Variants in CEP57L1 observed in about 807,000 individuals in gnomAD.
CEP57L1 encodes centrosomal protein CEP57L1.
In CEP57L1, 37 loss-of-function variants were observed where a neutral mutation model predicts 61.0. The observed-to-expected ratio is 0.61, with a 90% CI of 0.47 to 0.80. CEP57L1 has a LOEUF of 0.80. Ranked by LOEUF, CEP57L1 falls within the 30% of genes least tolerant of loss-of-function variation. The pLI is 0.00. For synonymous variants in CEP57L1, 137 were observed against 162.3 expected (o/e 0.84, Z 1.19); for missense variants, 422 against 524.7 (o/e 0.80, Z 1.91).
chr6:109,108,194 C>T (rs1771155846), intron 1 of CEP57L1, among the ~76,000 whole-genome samples: 1 of 151,594 alleles, frequency 6.6e-6, no homozygotes, highest in Non-Finnish European at 1.5e-5. Flanking sequence ...GAGTCTCTGA[C>T]ACCAAAGCTT....
rs79564261 is a variant in CEP57L1, at chr6:109,174,130, C to A, written c.*11160C>A. Among the ~76,000 whole-genome samples the A allele has an allele frequency of 0.12, 18,350 of 150,836 alleles. 1,258 individuals carry two copies. The highest frequency in any genetic ancestry group is 0.21 in the Middle Eastern group (60 of 290). On this transcript the variant is annotated 3_prime_UTR_variant, in exon 11 of 11. Coordinates refer to ENST00000517392, the MANE Select transcript of CEP57L1 (RefSeq NM_001271852.3). ...AAAAAAAAAACCTTGTGTTGGAAAC[C>A]ATCTCCAATGAAGCAGTGTTAGGAG...
chr6:109,122,416 G>A (rs1562520170), intron 1 of CEP57L1, among the ~76,000 whole-genome samples: 1 of 152,030 alleles, frequency 6.6e-6, no homozygotes, highest in African/African-American at 2.4e-5. Context: ...TTACATGGGA[G>A]GCTCTTATTT....
chr6:109,120,844 T>C (rs1400935760), intron 1 of CEP57L1, among the ~76,000 whole-genome samples: 1 of 151,954 alleles, frequency 6.6e-6, no homozygotes, highest in Non-Finnish European at 1.5e-5. Context: ...TTTTCAATTA[T>C]AGATAGGGAT....
chr6:109,143,023 G>C (rs1771588868), intron 1 of CEP57L1, among the ~76,000 whole-genome samples: 1 of 127,668 alleles, frequency 7.8e-6, no homozygotes, highest in South Asian at 2.7e-4. Context: ...ACTACTAACT[G>C]ATGCACCAGA....
In CEP57L1 at chr6:109,166,645, A is replaced by C. The variant is rs1774121925; in HGVS notation, c.*3675A>C. 6.6e-6 allele frequency among the ~76,000 whole-genome samples: 1 copy of C among 152,156 alleles called. No individual in the cohort carries two copies. The highest frequency in any genetic ancestry group is 6.5e-5 in the Admixed American group (1 of 15,282). Reference sequence around the variant, plus strand: ...TGATCCGCCCACCTCAGCCTCCCAAAGTGCTGGGATTACAGGCATGAGCCA... The same window carrying C: ...TGATCCGCCCACCTCAGCCTCCCAACGTGCTGGGATTACAGGCATGAGCCA... On this transcript the variant is annotated 3_prime_UTR_variant, in exon 11 of 11. Transcript: ENST00000517392.
At chr6:109,102,973 TA>T (rs1165359543) in intron 1 of CEP57L1, among the ~76,000 whole-genome samples, 2 of 152,228 alleles carry the variant, frequency 1.3e-5, no homozygotes, top group East Asian at 3.8e-4. Flanking sequence ...TGAAAATTGT[TA>T]GGAAGACTTT....
rs1773483328 is a variant in CEP57L1, at chr6:109,159,062, T to A, written c.782T>A (p.Ile261Asn). The part of the protein sequence containing the change: ...KCIKRRPPWQ[I>N]CSKFGALPFV... ...ATAAAGAGACGACCACCTTGGCAAA[T>A]TTGTTCAAAGTTTGGAGCACTGCCT... is the stretch of plus-strand genomic sequence containing the variant. Residue 261 changes from isoleucine to asparagine, a missense_variant, in exon 8 of 11, where the codon ATT becomes AAT. Transcript: ENST00000517392. 3.1e-6 allele frequency: 5 copies of A among 1,613,856 alleles called. No homozygotes were observed. Among genetic ancestry groups the A allele is most frequent in the Non-Finnish European group, 4.2e-6 (5 of 1,179,922 alleles).
intron 1 of CEP57L1, among the ~76,000 whole-genome samples, chr6:109,127,447 T>C (rs1773685079): frequency 2.6e-5 from 4 of 152,152 alleles, no homozygotes; most frequent in Admixed American, 2.6e-4. Context: ...CAGGGAGGCA[T>C]AGTGTATTAG....
intron 1 of CEP57L1, among the ~76,000 whole-genome samples, chr6:109,143,072 C>T (rs1771594359): frequency 6.6e-6 from 1 of 150,422 alleles, no homozygotes; most frequent in African/African-American, 2.4e-5. Flanking sequence ...ACTCCCCCTC[C>T]ATTGTCATGT....
Position 109,125,524 on chromosome 6 carries a change from A to ATATACACATATATATATATAT in CEP57L1, c.-3-19694_-3-19693insATACACATATATATATATATT, listed in dbSNP as rs1562524338. ...TATATATATACATATATATATATATATTTTTTTTTTAACCAGTTTCTGAAC... is the reference window on the plus strand; with the variant it reads ...TATATATATACATATATATATATATATATACACATATATATATATATTTTTTTTTTTAACCAGTTTCTGAAC... On this transcript the variant is annotated intron_variant, in intron 1 of 10. Coordinates refer to ENST00000517392, the MANE Select transcript of CEP57L1 (RefSeq NM_001271852.3). Among the ~76,000 whole-genome samples, 470 of 142,792 alleles carry ATATACACATATATATATATAT rather than the reference A, an allele frequency of 3.3e-3. 10 individuals are homozygous for ATATACACATATATATATATAT. Among genetic ancestry groups the ATATACACATATATATATATAT allele is most frequent in the African/African-American group, 0.012 (455 of 38,016 alleles). 93.7% of individuals were successfully genotyped at this position (142,792 alleles called of 152,430 possible).
chr6:109,150,066 C>G (rs1007740179), intron 3 of CEP57L1, 52 bp from the exon 4 acceptor site: 6 of 1,136,926 alleles, frequency 5.3e-6, no homozygotes, highest in African/African-American at 3.1e-5. Context: ...CATCTGCAAA[C>G]AGGGACAATT....
chr6:109,108,689 G>T (rs1463892346), intron 1 of CEP57L1, among the ~76,000 whole-genome samples: 2 of 152,076 alleles, frequency 1.3e-5, no homozygotes, highest in Non-Finnish European at 2.9e-5. Context: ...CAAATTGTTT[G>T]AATTCTGTTA....
At chr6:109,162,683 T>A (rs1330262215) in intron 10 of CEP57L1, 66 bp from the exon 11 acceptor site, 2 of 1,015,450 alleles carry the variant, frequency 2.0e-6, no homozygotes, top group Admixed American at 2.7e-5. Context: ...CAATTCAACC[T>A]ATCTATTTTG....
At chr6:109,159,129 C>A in intron 8 of CEP57L1, 27 bp downstream of exon 8, 1 of 1,613,822 alleles carries the variant, frequency 6.2e-7, no homozygotes, top group Non-Finnish European at 8.5e-7. Context: ...TGAAGATAGT[C>A]GTTCAAAAAA....
Position 109,167,643 on chromosome 6 carries a change from C to T in CEP57L1, c.*4673C>T, listed in dbSNP as rs1401366946. Among the ~76,000 whole-genome samples the T allele has an allele frequency of 6.6e-6, 1 of 151,422 alleles. No homozygotes were observed. The highest frequency in any genetic ancestry group is 1.5e-5 in the Non-Finnish European group (1 of 67,950). ...GGTGAGCCGAGATTGTGCCACTGCA[C>T]TCCAGCCTGGGCAACAGAGCAAGAC... On this transcript the variant is annotated 3_prime_UTR_variant, in exon 11 of 11. Transcript: ENST00000517392.
At chr6:109,121,345 T>G (rs1213098756) in intron 1 of CEP57L1, among the ~76,000 whole-genome samples, 1 of 152,168 alleles carries the variant, frequency 6.6e-6, no homozygotes, top group Non-Finnish European at 1.5e-5. Flanking sequence ...ATTTGTGCAG[T>G]GTTGTACTAC....
chr6:109,124,207 ATG>A (rs1562522533), intron 1 of CEP57L1, among the ~76,000 whole-genome samples: 1 of 152,196 alleles, frequency 6.6e-6, no homozygotes, highest in Admixed American at 6.5e-5. Flanking sequence ...ATTAAAGGCA[ATG>A]TGATCTTGCT....
At chr6:109,117,228 G>A (rs1045000222) in intron 1 of CEP57L1, among the ~76,000 whole-genome samples, 3 of 152,092 alleles carry the variant, frequency 2.0e-5, no homozygotes, top group Non-Finnish European at 2.9e-5. Context: ...TATATATAAC[G>A]TAAGCATAAG....
chr6:109,136,115 C>T (rs921749985), intron 1 of CEP57L1, among the ~76,000 whole-genome samples: 12 of 152,130 alleles, frequency 7.9e-5, no homozygotes, highest in Non-Finnish European at 1.6e-4. Context: ...CACATGCACA[C>T]GTATGTTTAT....
Sources: gnomAD v4.1 joint callset for allele counts (sites outside exome capture counted in the v4.1 genomes callset) on GRCh38, gnomAD v4.1.1 for gene constraint, MANE v1.5 for transcripts, NCBI Gene and HGNC (gene_info 2026-07-23, HGNC 2026-07-21) for gene names.